The following ENTHD1 variants were observed in gnomAD, a reference collection of about 807,000 sequenced individuals.
ENTHD1 encodes the protein ENTH domain containing 1.
ENTHD1 carries 23 observed loss-of-function variants against 39.1 expected under a neutral mutation model. The ratio of observed to expected loss-of-function variants is 0.59; its 90% CI spans 0.42 to 0.83. ENTHD1 has a LOEUF of 0.83. Ranked by LOEUF, ENTHD1 falls within the 40% of genes least tolerant of loss-of-function variation. ENTHD1 has a pLI of 0.00. For missense variants in ENTHD1, 624 were observed against 705.4 expected (o/e 0.88, Z 1.31); for synonymous variants, 230 against 258.2 (o/e 0.89, Z 1.05).
At chr22:39,837,994 G>A (rs182602100) in intron 3 of ENTHD1, among the ~76,000 whole-genome samples, 74 of 152,282 alleles carry the variant, frequency 4.9e-4, no homozygotes, top group Non-Finnish European at 3.8e-4. Flanking sequence ...TACCAACCTA[G>A]ATTATATGGT....
chr22:39,871,907 T>C (rs1376251311), intron 2 of ENTHD1, among the ~76,000 whole-genome samples: 1 of 152,238 alleles, frequency 6.6e-6, no homozygotes, highest in Non-Finnish European at 1.5e-5. Flanking sequence ...AAACTATTTG[T>C]TCATCAAAAA....
intron 2 of ENTHD1, 41 bp from the exon 3 acceptor site, chr22:39,862,048 G>A: frequency 7.4e-7 from 1 of 1,358,372 alleles, no homozygotes; most frequent in Non-Finnish European, 9.6e-7. Flanking sequence ...GGAAATACTA[G>A]TTAAGGCTAT....
At chr22:39,847,704 C>T (rs528507700) in intron 3 of ENTHD1, among the ~76,000 whole-genome samples, 28 of 152,012 alleles carry the variant, frequency 1.8e-4, no homozygotes, top group South Asian at 4.2e-4. Flanking sequence ...CCACACCCAA[C>T]GGGGAAAAAC....
chr22:39,829,492 A>C (rs183200779), intron 4 of ENTHD1, among the ~76,000 whole-genome samples: 4 of 152,212 alleles, frequency 2.6e-5, no homozygotes, highest in Admixed American at 6.5e-5. Context: ...CTCAAATTTT[A>C]AAATCATTTT....
At chr22:39,836,376 T>C (rs530261000) in intron 3 of ENTHD1, among the ~76,000 whole-genome samples, 8 of 152,160 alleles carry the variant, frequency 5.3e-5, no homozygotes, top group Non-Finnish European at 1.2e-4. Context: ...AACTCTGTTA[T>C]AACATTACTT....
At position 39,867,193 on chromosome 22, in the gene ENTHD1, G is replaced by A. The variant is rs568779975; in HGVS notation, c.350-5186C>T. The stretch of plus-strand genomic sequence containing the variant: ...GCTGGGATTACAGGCGTGAGCCACC[G>A]CGCCCGGCCCGAGAAATCTATATAC... On this transcript the variant is annotated intron_variant, in intron 2 of 6. Coordinates refer to ENST00000325157, the MANE Select transcript of ENTHD1 (RefSeq NM_152512.4). The surrounding 1 kb of genome is among the most constrained non-coding windows in gnomAD (Gnocchi z 4.5). Among the ~76,000 whole-genome samples the A allele has an allele frequency of 8.5e-5, 13 of 152,228 alleles. No individual in the cohort carries two copies. Among genetic ancestry groups the A allele is most frequent in the South Asian group, 2.1e-4 (1 of 4,812 alleles).
At chr22:39,822,063 C>T (rs2065786930) in intron 4 of ENTHD1, among the ~76,000 whole-genome samples, 1 of 152,194 alleles carries the variant, frequency 6.6e-6, no homozygotes, top group Non-Finnish European at 1.5e-5. Context: ...AACTTCATAG[C>T]TCCTAATGTC....
At chr22:39,873,750 C>T (rs180973079) in intron 2 of ENTHD1, among the ~76,000 whole-genome samples, 1 of 152,300 alleles carries the variant, frequency 6.6e-6, no homozygotes, top group Admixed American at 6.5e-5. Context: ...TAAGAATGAA[C>T]TCTATCTCAC....
chr22:39,773,998 AC>A (rs1308461989), intron 5 of ENTHD1, among the ~76,000 whole-genome samples: 1 of 152,236 alleles, frequency 6.6e-6, no homozygotes, highest in Non-Finnish European at 1.5e-5. Flanking sequence ...CAGGGCAGGT[AC>A]AAAGCATTCA....
At chr22:39,786,751 C>T (rs560049376) in intron 5 of ENTHD1, among the ~76,000 whole-genome samples, 2 of 152,230 alleles carry the variant, frequency 1.3e-5, no homozygotes, top group Admixed American at 6.5e-5. Flanking sequence ...TCTGTGAGCT[C>T]GACTGTTTTA....
At position 39,803,623 on chromosome 22, in the gene ENTHD1, A is replaced by G. The variant is rs535266465; in HGVS notation, c.832+17370T>C. ...TCTCAATCTTTCCTTCCAGAATTTT[A>G]CTATTTTACAATTAACACCTAGATG... On this transcript the variant is annotated intron_variant, in intron 5 of 6. Coordinates refer to ENST00000325157, the MANE Select transcript of ENTHD1 (RefSeq NM_152512.4). 3.5e-4 allele frequency among the ~76,000 whole-genome samples: 54 copies of G among 152,250 alleles called. 1 individual carries two copies. The South Asian group carries it at 9.1e-3, about 26-fold the overall frequency.
intron 3 of ENTHD1, among the ~76,000 whole-genome samples, chr22:39,836,649 GGT>G (rs1351111742): frequency 1.3e-5 from 2 of 152,102 alleles, no homozygotes; most frequent in Non-Finnish European, 2.9e-5. Flanking sequence ...CCTGTGATAT[GGT>G]TTGGATTTGT....
intron 2 of ENTHD1, among the ~76,000 whole-genome samples, chr22:39,883,080 CT>C (rs895306903): frequency 6.6e-6 from 1 of 151,554 alleles, no homozygotes; most frequent in African/African-American, 2.4e-5. Context: ...ATATTTTCCC[CT>C]AATGGAATCT....
At chr22:39,832,144 C>T (rs568964407) in intron 4 of ENTHD1, among the ~76,000 whole-genome samples, 1 of 152,132 alleles carries the variant, frequency 6.6e-6, no homozygotes, top group Admixed American at 6.5e-5. Context: ...ATAGTAAGAC[C>T]TCGTCTCTAC....
At chr22:39,884,646 T>C (rs1478708368) in intron 2 of ENTHD1, among the ~76,000 whole-genome samples, 1 of 151,780 alleles carries the variant, frequency 6.6e-6, no homozygotes, top group African/African-American at 2.4e-5. Context: ...AACAGTACAG[T>C]ACTAGCATAA....
At chr22:39,862,058 T>C (rs1385124295) in intron 2 of ENTHD1, 51 bp from the exon 3 acceptor site, 3 of 1,323,822 alleles carry the variant, frequency 2.3e-6, no homozygotes, top group Non-Finnish European at 2.9e-6. Flanking sequence ...GTTAAGGCTA[T>C]AATTAATTTT....
In ENTHD1 at chr22:39,744,028, C is replaced by A. The variant is rs2065083189; in HGVS notation, c.1475G>T (p.Gly492Val). 6.2e-7 allele frequency: 1 copy of A among 1,613,994 alleles called. No homozygotes were observed. Among genetic ancestry groups the A allele is most frequent in the Non-Finnish European group, 8.5e-7 (1 of 1,179,994 alleles). The change falls in exon 7 of 7, where the codon GGA (glycine) becomes GTA (valine). Residue 492 changes from glycine (G) to valine (V), a missense_variant. Coordinates refer to ENST00000325157, the MANE Select transcript of ENTHD1 (RefSeq NM_152512.4). ...AGAATCAGAGTTATTTGGAAGAATT[C>A]CCAGTAGATTGAGGCTATCATTTTC... Reference protein sequence around the residue: ...VEENDSLNLLGILPNNSDSAK... With the variant: ...VEENDSLNLLVILPNNSDSAK...
At chr22:39,835,503 T>G (rs1048636824) in intron 4 of ENTHD1, among the ~76,000 whole-genome samples, 3 of 152,122 alleles carry the variant, frequency 2.0e-5, no homozygotes, top group Non-Finnish European at 2.9e-5. Context: ...TCTCAAGATT[T>G]TTTTAATAGC....
At chr22:39,814,677 A>G (rs2065719982) in intron 5 of ENTHD1, among the ~76,000 whole-genome samples, 1 of 152,222 alleles carries the variant, frequency 6.6e-6, no homozygotes, top group Non-Finnish European at 1.5e-5. Context: ...AGACTTTTCA[A>G]TAAATGATTC....
Sources: allele counts gnomAD v4.1 joint callset (sites outside exome capture counted in the v4.1 genomes callset), GRCh38; gene constraint gnomAD v4.1.1; non-coding constraint Gnocchi (gnomAD v3.1); transcripts MANE v1.5; gene names NCBI Gene and HGNC (gene_info 2026-07-23, HGNC 2026-07-21).